The following PPM1H variants were observed in gnomAD, a reference collection of about 807,000 sequenced individuals.
PPM1H encodes the protein protein phosphatase, Mg2+/Mn2+ dependent 1H, also known as protein phosphatase 1H.
PPM1H carries 27 observed loss-of-function variants against 54.9 expected under a neutral mutation model. The ratio of observed to expected loss-of-function variants is 0.49; its 90% confidence interval spans 0.36 to 0.68. The LOEUF (loss-of-function observed/expected upper bound fraction) is 0.68, where lower values mean the gene tolerates loss of function less well. PPM1H is among the 30% of genes least tolerant of loss of function. The pLI is 0.00. For synonymous variants in PPM1H, 305 were observed against 270.8 expected, an observed-to-expected ratio of 1.13 and a Z score of -1.24; for missense variants, 596 against 667.8, an observed-to-expected ratio of 0.89 and a Z score of 1.19.
intron 1 of PPM1H, among the ~76,000 whole-genome samples, chr12:62,897,807 G>C (rs926124439): frequency 5.3e-5 from 8 of 152,132 alleles, no homozygotes; most frequent in African/African-American, 1.9e-4. Context: ...TAAACCAAGA[G>C]AGCAGTGAAT....
chr12:62,691,101 T>C (rs2076080219), intron 7 of PPM1H, among the ~76,000 whole-genome samples: 1 of 151,974 alleles, frequency 6.6e-6, no homozygotes, highest in African/African-American at 2.4e-5. Context: ...GTTATGCAAG[T>C]TTAGAGGAGG....
At position 62,788,233 on chromosome 12, in the gene PPM1H, C is replaced by A; in HGVS notation, c.862G>T (p.Asp288Tyr). Reference sequence around the variant, plus strand: ...GACAGCTCATCTGCTTACCTGCTATCCCCAGCATTTGCAACATACAGCTTC... The same window carrying A: ...GACAGCTCATCTGCTTACCTGCTATACCCAGCATTTGCAACATACAGCTTC... ...LGKLYVANAG[D>Y]SRAIIIRNGE... is the part of the protein sequence containing the mutation. The change falls in exon 4 of 10, where the codon GAT becomes TAT. Residue 288 changes from aspartate to tyrosine, a missense_variant. Physicochemically the swap from Asp to Tyr is radical, Grantham distance 160 (BLOSUM62 -3). This residue lies in a region of PPM1H where 382 missense variants were observed against 387.1 expected (regional missense o/e 0.99). Transcript: ENST00000228705. 1 of 1,584,946 alleles carries A rather than the reference C, an allele frequency of 6.3e-7. No homozygotes were observed.
At chr12:62,804,281 GAGA>G (rs1265573199) in intron 2 of PPM1H, among the ~76,000 whole-genome samples, 1 of 150,688 alleles carries the variant, frequency 6.6e-6, no homozygotes. Flanking sequence ...TTGAATCGAG[GAGA>G]AGGAGGCTGC....
At chr12:62,879,422 C>A (rs2121036472) in intron 1 of PPM1H, among the ~76,000 whole-genome samples, 1 of 152,262 alleles carries the variant, frequency 6.6e-6, no homozygotes, top group South Asian at 2.1e-4. Context: ...CCATGGAATA[C>A]TATGCAGCCA....
intron 1 of PPM1H, among the ~76,000 whole-genome samples, chr12:62,856,350 G>C (rs1042572121): frequency 8.5e-5 from 13 of 152,292 alleles, no homozygotes; most frequent in Middle Eastern, 3.4e-3. Flanking sequence ...ATCTCTCAAA[G>C]TGGGGACAAT....
Position 62,787,303 on chromosome 12 carries a change from G to A in PPM1H, c.869+923C>T, listed in dbSNP as rs143660131. On this transcript the variant is annotated intron_variant, in intron 4 of 9. Transcript: ENST00000228705. ...AGAGCCATGTGACCTAGAGGAAGGG[G>A]ACAGAAGAATGAGAGTCCTCACAGC... Among the ~76,000 whole-genome samples, 693 of 152,200 alleles carry A rather than the reference G, an allele frequency of 4.6e-3. 7 individuals carry two copies. Among genetic ancestry groups the A allele is most frequent in the African/African-American group, 0.016 (648 of 41,522 alleles).
chr12:62,685,913 T>A (rs1300976173), intron 8 of PPM1H, among the ~76,000 whole-genome samples: 1 of 152,210 alleles, frequency 6.6e-6, no homozygotes, highest in Non-Finnish European at 1.5e-5. Context: ...AAAAATAAAC[T>A]TGGTATGTTG....
chr12:62,801,670 A>C (rs934011234), intron 3 of PPM1H, 146 bp downstream of exon 3: 9 of 843,852 alleles, frequency 1.1e-5, no homozygotes, highest in Non-Finnish European at 1.6e-5. Context: ...TCTATTGGGA[A>C]TGGAAGCCCC....
chr12:62,866,974 G>A (rs1869798275), intron 1 of PPM1H, among the ~76,000 whole-genome samples: 2 of 151,748 alleles, frequency 1.3e-5, no homozygotes, highest in Admixed American at 1.3e-4. Context: ...CTGCCTCAAG[G>A]TTTCACATAC....
intron 3 of PPM1H, among the ~76,000 whole-genome samples, chr12:62,797,233 G>T (rs1321985546): frequency 6.6e-6 from 1 of 152,146 alleles, no homozygotes; most frequent in Non-Finnish European, 1.5e-5. Flanking sequence ...TAAGGATATT[G>T]TGACACTCAG....
intron 8 of PPM1H, among the ~76,000 whole-genome samples, chr12:62,673,713 C>CTTT (rs1192243731): frequency 2.1e-5 from 1 of 47,562 alleles, no homozygotes; most frequent in Non-Finnish European, 4.5e-5. Flanking sequence ...AGAAGAGCCA[C>CTTT]TCTTTTTTTT....
Position 62,801,858 on chromosome 12 carries a change from C to T in PPM1H, c.714G>A (p.Glu238=). The T allele has an allele frequency of 6.2e-7, 1 of 1,613,944 alleles. No homozygotes were observed. Among genetic ancestry groups the T allele is most frequent in the Non-Finnish European group, 8.5e-7 (1 of 1,179,840 alleles). The change falls in exon 3 of 10, where the codon GAG becomes GAA. Residue 238 remains glutamate (E), a synonymous_variant. Coordinates refer to ENST00000228705, the MANE Select transcript of PPM1H (RefSeq NM_020700.2). Reference sequence around the variant, plus strand: ...TTTCAAGCGCTCCGATGACCAGGCACTCATGGGGAATCTTCTTCTCGGTAA... The same window carrying T: ...TTTCAAGCGCTCCGATGACCAGGCATTCATGGGGAATCTTCTTCTCGGTAA... The part of the protein sequence containing the change: ...RFFTEKKIPH[E]CLVIGALESA...
At chr12:62,676,685 A>T (rs2075988615) in intron 8 of PPM1H, among the ~76,000 whole-genome samples, 1 of 152,092 alleles carries the variant, frequency 6.6e-6, no homozygotes. Flanking sequence ...GCTCCCTGCC[A>T]TCTCAGCCAC....
chr12:62,683,690 G>A (rs1029283023), intron 8 of PPM1H, among the ~76,000 whole-genome samples: 4 of 152,190 alleles, frequency 2.6e-5, no homozygotes, highest in Admixed American at 1.3e-4. Context: ...GGCGGAAAGG[G>A]GGCTTGCTGA....
intron 1 of PPM1H, among the ~76,000 whole-genome samples, chr12:62,882,540 C>T (rs775084919): frequency 6.6e-6 from 1 of 152,226 alleles, no homozygotes; most frequent in African/African-American, 2.4e-5. Context: ...GCCCAAGAGT[C>T]CTTGGAAACA....
In PPM1H at chr12:62,934,839, C is replaced by T. The variant is rs1176926266; in HGVS notation, c.-103G>A. The T allele has an allele frequency of 4.2e-5, 49 of 1,168,308 alleles. No individual in the cohort carries two copies. The Admixed American group carries it at 4.4e-4, about 11-fold the overall frequency. The allele number at this position is 1,168,308 out of a possible 1,614,324, so 72.4% of individuals were successfully genotyped here. ...GCTGCGGTGGGCGCCGGGCGCACGG[C>T]GAGTCGGGCCACTGGGACGCGCCGC... is the stretch of plus-strand genomic sequence containing the variant. On this transcript the variant is annotated 5_prime_UTR_variant, in exon 1 of 10. Transcript: ENST00000228705. The surrounding 1 kb of genome is among the most constrained non-coding windows in gnomAD (Gnocchi z 4.2).
chr12:62,870,816 T>TC (rs1352817360), intron 1 of PPM1H, among the ~76,000 whole-genome samples: 1 of 152,198 alleles, frequency 6.6e-6, no homozygotes, highest in African/African-American at 2.4e-5. Context: ...GGAAAAATGC[T>TC]CAACATCTTT....
At chr12:62,749,647 G>A (rs1270095810) in intron 4 of PPM1H, among the ~76,000 whole-genome samples, 2 of 152,076 alleles carry the variant, frequency 1.3e-5, no homozygotes, top group East Asian at 3.9e-4. Context: ...AATCAGTTTG[G>A]GTGTATTTCT....
intron 1 of PPM1H, among the ~76,000 whole-genome samples, chr12:62,912,606 C>T (rs1052698993): frequency 6.6e-6 from 1 of 152,028 alleles, no homozygotes; most frequent in Admixed American, 6.6e-5. Flanking sequence ...CTATGATATC[C>T]CAGAAGGTAA....
Sources: gnomAD v4.1 joint callset for allele counts (sites outside exome capture counted in the v4.1 genomes callset) on GRCh38, gnomAD v4.1.1 for gene constraint, gnomAD v4.1.1 regional missense constraint, Gnocchi (gnomAD v3.1) non-coding constraint, MANE v1.5 for transcripts, NCBI Gene and HGNC (gene_info 2026-07-23, HGNC 2026-07-21) for gene names.